The following RBFOX1 variants were observed in gnomAD, a reference collection of about 807,000 sequenced individuals.
RBFOX1 encodes the protein RNA binding protein fox-1 homolog 1.
RBFOX1 carries 8 observed loss-of-function variants against 57.7 expected under a neutral mutation model. That is an observed-to-expected ratio of 0.14 (90% CI 0.08 to 0.25). RBFOX1 has a LOEUF of 0.25. RBFOX1 is among the 10% of genes least tolerant of loss of function. The pLI is 1.00. For synonymous variants in RBFOX1, 326 were observed against 222.4 expected (o/e 1.47, Z -4.15); for missense variants, 611 against 548.5 (o/e 1.11, Z -1.14).
intron 3 of RBFOX1, among the ~76,000 whole-genome samples, chr16:6,959,372 A>G (rs1449554087): frequency 1.3e-5 from 2 of 152,130 alleles, no homozygotes; most frequent in African/African-American, 4.8e-5. Context: ...ATTTGAATGG[A>G]TTTTCAGAAA....
chr16:6,277,681 A>C (rs1024101250), intron 1 of RBFOX1, among the ~76,000 whole-genome samples: 29 of 151,844 alleles, frequency 1.9e-4, no homozygotes, highest in African/African-American at 5.6e-4. Context: ...AAAAAAAAAA[A>C]AAAAATGTCC....
At chr16:5,663,273 C>T (rs7188434) in intron 3 of RBFOX1, among the ~76,000 whole-genome samples, 5,592 of 152,082 alleles carry the variant, frequency 0.037, 271 homozygotes, top group African/African-American at 0.11. Flanking sequence ...TGCAGTGGCA[C>T]GAACATGGCT....
intron 4 of RBFOX1, among the ~76,000 whole-genome samples, chr16:7,441,255 C>T (rs1396137450): frequency 6.6e-6 from 1 of 152,148 alleles, no homozygotes; most frequent in East Asian, 1.9e-4. Flanking sequence ...GGAATTTATG[C>T]TTTAAGAACA....
At chr16:5,343,625 C>A (rs1378506679) in intron 1 of RBFOX1, among the ~76,000 whole-genome samples, 1 of 152,104 alleles carries the variant, frequency 6.6e-6, no homozygotes, top group Non-Finnish European at 1.5e-5. Flanking sequence ...CCGGCCACTT[C>A]TTTGAAGTTT....
intron 3 of RBFOX1, among the ~76,000 whole-genome samples, chr16:5,811,528 G>A (rs1031514597): frequency 2.4e-4 from 36 of 150,160 alleles, no homozygotes; most frequent in Middle Eastern, 7.0e-3. Context: ...TCAGCTCACC[G>A]CAACCTCTGC....
intron 1 of RBFOX1, among the ~76,000 whole-genome samples, chr16:5,428,668 TGAG>T (rs760104786): frequency 6.6e-5 from 10 of 151,362 alleles, no homozygotes; most frequent in Non-Finnish European, 1.5e-4. Flanking sequence ...ACCTGGAGGG[TGAG>T]GAGGAGCTGG....
chr16:7,418,564 C>T (rs1353032156), intron 4 of RBFOX1, among the ~76,000 whole-genome samples: 2 of 152,228 alleles, frequency 1.3e-5, no homozygotes, highest in Non-Finnish European at 2.9e-5. Context: ...TGTAAATAGT[C>T]AGTAGACATT....
chr16:6,659,152 C>T (rs187557773), intron 3 of RBFOX1, among the ~76,000 whole-genome samples: 10 of 151,940 alleles, frequency 6.6e-5, no homozygotes, highest in East Asian at 2.0e-4. Context: ...AATTTCAATA[C>T]TATTATAAAG....
chr16:5,750,999 A>G (rs561818111), intron 3 of RBFOX1, among the ~76,000 whole-genome samples: 25 of 152,052 alleles, frequency 1.6e-4, no homozygotes, highest in Non-Finnish European at 2.6e-4. Context: ...GCAATCTTGG[A>G]ACCCACCAAT....
chr16:7,219,793 C>G (rs752228557), intron 4 of RBFOX1, among the ~76,000 whole-genome samples: 1 of 152,150 alleles, frequency 6.6e-6, no homozygotes, highest in Non-Finnish European at 1.5e-5. Context: ...TTTTTGTTCT[C>G]TATGTTTGTG....
At chr16:6,896,111 A>G (rs2066848745) in intron 3 of RBFOX1, among the ~76,000 whole-genome samples, 1 of 152,076 alleles carries the variant, frequency 6.6e-6, no homozygotes, top group African/African-American at 2.4e-5. Context: ...CATCTCTATT[A>G]AAACTACAAA....
At chr16:7,014,514 T>C (rs2093809402) in intron 3 of RBFOX1, among the ~76,000 whole-genome samples, 3 of 152,020 alleles carry the variant, frequency 2.0e-5, no homozygotes, top group African/African-American at 7.2e-5. Context: ...GTGCTAGGAT[T>C]ACAGTGATAA....
intron 1 of RBFOX1, among the ~76,000 whole-genome samples, chr16:6,150,717 C>T (rs555402516): frequency 2.0e-4 from 31 of 152,264 alleles, no homozygotes; most frequent in Non-Finnish European, 3.5e-4. Flanking sequence ...GAATCTAAAC[C>T]GCATGAGAGC....
chr16:7,134,757 T>C (rs1344300731), intron 4 of RBFOX1, among the ~76,000 whole-genome samples: 1 of 152,162 alleles, frequency 6.6e-6, no homozygotes, highest in Non-Finnish European at 1.5e-5. Context: ...AGATGGCTTG[T>C]GTGCTGTACC....
chr16:5,402,992 C>A (rs964492104), intron 1 of RBFOX1, among the ~76,000 whole-genome samples: 4 of 152,154 alleles, frequency 2.6e-5, no homozygotes, highest in African/African-American at 9.7e-5. Flanking sequence ...TATACTGTGT[C>A]CCAACATGTG....
chr16:7,564,970 A>G (rs527446309), intron 5 of RBFOX1, among the ~76,000 whole-genome samples: 144 of 152,296 alleles, frequency 9.5e-4, no homozygotes, highest in Middle Eastern at 3.4e-3. Context: ...CCGTGGAATC[A>G]GCCCAGCCAG....
intron 5 of RBFOX1, among the ~76,000 whole-genome samples, chr16:7,529,838 G>A (rs187913254): frequency 2.2e-4 from 33 of 151,748 alleles, no homozygotes; most frequent in South Asian, 1.9e-3. Context: ...GTGAAACCCC[G>A]TCTCTCCTAA....
intron 3 of RBFOX1, among the ~76,000 whole-genome samples, chr16:6,971,375 G>A (rs905194335): frequency 2.6e-5 from 4 of 152,138 alleles, no homozygotes; most frequent in African/African-American, 9.7e-5. Context: ...TCAGCCTAAA[G>A]TGGGGAGTGT....
At chr16:6,717,300 C>G (rs1316367513) in intron 3 of RBFOX1, among the ~76,000 whole-genome samples, 1 of 151,980 alleles carries the variant, frequency 6.6e-6, no homozygotes, top group African/African-American at 2.4e-5. Flanking sequence ...AATTGAGCCG[C>G]AAGCCTTGAA....
Sources: allele counts gnomAD v4.1 joint callset (sites outside exome capture counted in the v4.1 genomes callset), GRCh38; gene constraint gnomAD v4.1.1; transcripts MANE v1.5; gene names NCBI Gene and HGNC (gene_info 2026-07-23, HGNC 2026-07-21).